Variants in TRAK1 observed in about 807,000 individuals in gnomAD.
TRAK1 encodes the protein trafficking kinesin protein 1.
A neutral mutation model predicts 92.1 loss-of-function variants in TRAK1; 33 were observed. That is an observed-to-expected ratio of 0.36 (90% confidence interval 0.27 to 0.48). The LOEUF (loss-of-function observed/expected upper bound fraction) is 0.48. Ranked by LOEUF, TRAK1 falls within the 20% of genes least tolerant of loss-of-function variation. The probability of loss-of-function intolerance (pLI) is 0.99; values close to 1 mark genes in which losing one functional copy is unlikely to be tolerated. For missense variants in TRAK1, 1,123 were observed against 1,257.9 expected (o/e 0.89, Z 1.62); for synonymous variants, 521 against 517.3 (o/e 1.01, Z -0.10).
At chr3:42,016,187 A>C (rs1472531767) in intron 1 of TRAK1, among the ~76,000 whole-genome samples, 1 of 151,794 alleles carries the variant, frequency 6.6e-6, no homozygotes, top group Non-Finnish European at 1.5e-5. Context: ...TGTTCCTGTC[A>C]TTGCATTCTG....
chr3:42,146,046 C>G, intron 2 of TRAK1: 1 of 428,026 alleles, frequency 2.3e-6, no homozygotes, highest in South Asian at 1.9e-5. Flanking sequence ...AGGAACTTTG[C>G]TAATTGGTTC....
chr3:42,161,411 C>G (rs1321170101), intron 2 of TRAK1, among the ~76,000 whole-genome samples: 1 of 152,112 alleles, frequency 6.6e-6, no homozygotes, highest in South Asian at 2.1e-4. Flanking sequence ...GGGTCTCACT[C>G]TGTTGCCCAG....
chr3:42,049,929 G>C (rs1702913453), intron 1 of TRAK1, among the ~76,000 whole-genome samples: 1 of 152,130 alleles, frequency 6.6e-6, no homozygotes, highest in African/African-American at 2.4e-5. Context: ...CAAGTTGGAG[G>C]CTTTCCTCAG....
chr3:42,137,004 A>G (rs1022691153), intron 2 of TRAK1, among the ~76,000 whole-genome samples: 1 of 152,218 alleles, frequency 6.6e-6, no homozygotes, highest in African/African-American at 2.4e-5. Flanking sequence ...TCACAAAAGT[A>G]TGCTGATTTT....
Position 42,203,919 on chromosome 3 carries a change from A to G in TRAK1, c.1744+1167A>G, listed in dbSNP as rs560858074. 3 of 984,510 alleles carry G rather than the reference A, an allele frequency of 3.0e-6. No individual in the cohort carries two copies. The African/African-American group carries it at 5.2e-5, about 17-fold the overall frequency. 61.0% of individuals were successfully genotyped at this position (984,510 alleles called of 1,614,324 possible). ...AACCTGTTTTTGCTTCTTGGGAGCA[A>G]TATTGCCCCTGTGAGACTGCATGCT... is the stretch of plus-strand genomic sequence containing the variant. On this transcript the variant is annotated intron_variant, in intron 13 of 15. Coordinates refer to ENST00000327628, the MANE Select transcript of TRAK1 (RefSeq NM_001042646.3).
intron 3 of TRAK1, among the ~76,000 whole-genome samples, chr3:42,177,543 T>C (rs1357903630): frequency 2.0e-5 from 3 of 152,204 alleles, no homozygotes; most frequent in African/African-American, 7.2e-5. Flanking sequence ...CACTGCCCCC[T>C]TCACTGAATC....
intron 2 of TRAK1, among the ~76,000 whole-genome samples, chr3:42,128,297 G>A (rs895957759): frequency 4.6e-5 from 7 of 152,190 alleles, no homozygotes; most frequent in Non-Finnish European, 7.3e-5. Context: ...GAGAAATCCT[G>A]GTAGTAGATA....
At chr3:42,120,842 G>T (rs902019586) in intron 1 of TRAK1, among the ~76,000 whole-genome samples, 1 of 151,878 alleles carries the variant, frequency 6.6e-6, no homozygotes, top group South Asian at 2.1e-4. Context: ...CACCGCGCCC[G>T]GCTACTGCTT....
chr3:42,182,815 A>G (rs893877315), intron 3 of TRAK1, among the ~76,000 whole-genome samples: 4 of 152,232 alleles, frequency 2.6e-5, no homozygotes, highest in African/African-American at 9.7e-5. Context: ...TGCATGGAAT[A>G]ATTGGGTGGC....
chr3:42,163,798 A>G (rs1175311041), intron 2 of TRAK1, among the ~76,000 whole-genome samples: 1 of 152,190 alleles, frequency 6.6e-6, no homozygotes, highest in Non-Finnish European at 1.5e-5. Flanking sequence ...ATAGATAATT[A>G]CTGTCTGTTC....
At chr3:42,062,308 T>G (rs371180239) in intron 1 of TRAK1, among the ~76,000 whole-genome samples, 14 of 152,244 alleles carry the variant, frequency 9.2e-5, no homozygotes, top group African/African-American at 2.9e-4. Context: ...GCTTCAGTGC[T>G]TTTGATTCCT....
At chr3:42,211,447 G>A (rs895997878) in intron 14 of TRAK1, 31 of 985,206 alleles carry the variant, frequency 3.1e-5, no homozygotes, top group Admixed American at 6.1e-5. Context: ...CTACACACTC[G>A]AAAAAGAGAA....
At chr3:42,105,028 C>T (rs922626616) in intron 1 of TRAK1, among the ~76,000 whole-genome samples, 31 of 151,648 alleles carry the variant, frequency 2.0e-4, no homozygotes, top group African/African-American at 5.8e-4. Context: ...CTTGGCTCAC[C>T]GCAACCTCTG....
intron 1 of TRAK1, among the ~76,000 whole-genome samples, chr3:42,093,525 A>G (rs1449091467): frequency 6.6e-6 from 1 of 151,892 alleles, no homozygotes; most frequent in African/African-American, 2.4e-5. Flanking sequence ...TTTTGGGGCC[A>G]TAGTTCTCAA....
upstream of TRAK1, among the ~76,000 whole-genome samples, chr3:42,082,985 C>T (rs1483595138): frequency 2.6e-5 from 4 of 152,302 alleles, no homozygotes; most frequent in African/African-American, 4.8e-5. Context: ...TGACTCGATC[C>T]TCTGTTGTGG....
chr3:42,122,875 G>A (rs1395488736), intron 1 of TRAK1, among the ~76,000 whole-genome samples: 1 of 152,166 alleles, frequency 6.6e-6, no homozygotes, highest in African/African-American at 2.4e-5. Flanking sequence ...GAAATACCAA[G>A]TATGCTTGCT....
intron 1 of TRAK1, among the ~76,000 whole-genome samples, chr3:42,076,854 G>A (rs1465358601): frequency 2.6e-5 from 4 of 152,124 alleles, no homozygotes; most frequent in African/African-American, 7.2e-5. Flanking sequence ...TATATGGATA[G>A]CCAGTTATCC....
intron 15 of TRAK1, 35 bp downstream of exon 15, chr3:42,219,631 G>C (rs968316061): frequency 1.3e-6 from 2 of 1,597,662 alleles, no homozygotes; most frequent in Admixed American, 3.3e-5. Flanking sequence ...GGCAGGGGTG[G>C]GGTGAAGTCA....
At chr3:42,191,291 A>G (rs2276828) in intron 6 of TRAK1, among the ~76,000 whole-genome samples, 34,334 of 152,142 alleles carry the variant, frequency 0.23, 4,556 homozygotes, top group East Asian at 0.45. Flanking sequence ...TTAACAGAGC[A>G]AGCTGTAGAG....
Sources: allele counts gnomAD v4.1 joint callset (sites outside exome capture counted in the v4.1 genomes callset), GRCh38; gene constraint gnomAD v4.1.1; transcripts MANE v1.5; gene names NCBI Gene and HGNC (gene_info 2026-07-23, HGNC 2026-07-21).